Variants in ADGRD2 observed in about 807,000 individuals in gnomAD.
The protein encoded by ADGRD2 is adhesion G protein-coupled receptor D2, also known as G protein-coupled receptor PGR24.
ADGRD2 carries 71 observed loss-of-function variants against 44.4 expected under a neutral mutation model. The ratio of observed to expected loss-of-function variants is 1.60; its 90% confidence interval spans 1.32 to 1.95. ADGRD2 has a LOEUF of 1.95. Ranked by LOEUF, ADGRD2 falls within the 30% of genes most tolerant of loss-of-function variation. The probability of loss-of-function intolerance (pLI) is 0.00; values close to 1 mark genes in which losing one functional copy is unlikely to be tolerated. For missense variants in ADGRD2, 1,039 were observed against 512.4 expected, an observed-to-expected ratio of 2.03 and a Z score of -9.92; for synonymous variants, 481 against 224.8, an observed-to-expected ratio of 2.14 and a Z score of -10.19.
Position 124,469,484 on chromosome 9 carries a change from G to A in ADGRD2, c.2576G>A (p.Arg859His), listed in dbSNP as rs114565703. The A allele has an allele frequency of 8.0e-3, 5,753 of 718,022 alleles. 238 individuals are homozygous for A. In the African/African-American group the frequency reaches 0.089, roughly 11 times the overall value. 44.5% of individuals were successfully genotyped at this position (718,022 alleles called of 1,614,324 possible). A position where few individuals can be genotyped will look rare whatever the true frequency, so the allele number is the denominator to read the frequency against. Reference sequence around the variant, plus strand: ...GTAATGATCACCGTGTCCAGTGCCCGCCGCCGTGCCCGCATGTTGAGCCCA... The same window carrying A: ...GTAATGATCACCGTGTCCAGTGCCCACCGCCGTGCCCGCATGTTGAGCCCA... Residue 859 changes from arginine (R) to histidine (H), a missense_variant, in exon 16 of 22, where the codon CGC (arginine) becomes CAC (histidine). By Grantham distance (29) the Arg-to-His change is conservative (BLOSUM62 0). Coordinates refer to ENST00000334810, the Ensembl canonical transcript of ADGRD2.
intron 7 of ADGRD2, among the ~76,000 whole-genome samples, chr9:124,457,050 A>C (rs958791106): frequency 2.6e-5 from 4 of 152,218 alleles, no homozygotes; most frequent in South Asian, 4.1e-4. Flanking sequence ...TGGTAATTAC[A>C]TAATGGAATT....
Position 124,470,619 on chromosome 9 carries a change from C to T in ADGRD2, c.2758+5C>T, listed in dbSNP as rs1386854255. The T allele has an allele frequency of 2.8e-6, 2 of 702,698 alleles. No individual in the cohort carries two copies. Among genetic ancestry groups the T allele is most frequent in the East Asian group, 2.7e-5 (1 of 37,132 alleles). 43.5% of individuals were successfully genotyped at this position (702,698 alleles called of 1,614,324 possible). ...GTGGGCCTCAACTCCATCCAGGTAC[C>T]TCCAGCCCCAACCTTCTGGGACTAG... On this transcript the variant is annotated splice_donor_5th_base_variant and intron_variant, in intron 17 of 21. Coordinates refer to ENST00000334810, the Ensembl canonical transcript of ADGRD2.
At chr9:124,474,843 G>A (rs1454350898) in intron 17 of ADGRD2, among the ~76,000 whole-genome samples, 3 of 152,214 alleles carry the variant, frequency 2.0e-5, no homozygotes, top group African/African-American at 7.2e-5. Flanking sequence ...AAATGTGATG[G>A]TGCAGGGAGG....
intron 6 of ADGRD2, among the ~76,000 whole-genome samples, chr9:124,456,064 T>C (rs985495485): frequency 2.0e-5 from 3 of 152,204 alleles, no homozygotes; most frequent in African/African-American, 7.2e-5. Context: ...AGCCCATAGT[T>C]GATTAGGGAT....
chr9:124,464,570 C>T (rs1344656600), intron 10 of ADGRD2, among the ~76,000 whole-genome samples: 1 of 152,202 alleles, frequency 6.6e-6, no homozygotes, highest in Non-Finnish European at 1.5e-5. Context: ...ATTACCATCA[C>T]CCTCCCCAGT....
exon 3 of ADGRD2, chr9:124,453,040 C>T (rs1317176937): frequency 3.0e-6 from 2 of 662,906 alleles, no homozygotes; most frequent in South Asian, 3.3e-5. Context: ...TGCAGGTGCG[C>T]GCACCACCGC....
At chr9:124,468,799 G>T in intron 14 of ADGRD2, 127 bp downstream of exon 17, 1 of 615,294 alleles carries the variant, frequency 1.6e-6, no homozygotes, top group Non-Finnish European at 2.9e-6. Context: ...GGCATTTAGC[G>T]TCACCCAGAA....
intron 17 of ADGRD2, among the ~76,000 whole-genome samples, chr9:124,471,688 G>C (rs1051968815): frequency 6.6e-6 from 1 of 152,174 alleles, no homozygotes; most frequent in African/African-American, 2.4e-5. Context: ...GGTCCTGGCT[G>C]GTCCCTGGGA....
At chr9:124,471,780 A>G (rs1570581) in intron 17 of ADGRD2, among the ~76,000 whole-genome samples, 93,308 of 152,150 alleles carry the variant, frequency 0.61, 30,959 homozygotes, top group African/African-American at 0.87. Flanking sequence ...GCTGGGTGCC[A>G]GGCCGCAGCA....
chr9:124,454,455 G>T lies in ADGRD2; in HGVS notation c.1023-29G>T, dbSNP rs1314479074. The T allele has an allele frequency of 2.9e-6, 2 of 699,608 alleles. No homozygotes were observed. The highest frequency in any genetic ancestry group is 2.4e-4 in the Middle Eastern group (1 of 4,164). 43.3% of individuals were successfully genotyped at this position (699,608 alleles called of 1,614,324 possible). A position where few individuals can be genotyped will look rare whatever the true frequency, so the allele number is the denominator to read the frequency against. On this transcript the variant is annotated intron_variant, in intron 4 of 21. Coordinates refer to ENST00000334810, the Ensembl canonical transcript of ADGRD2. The surrounding 1 kb of genome is among the most constrained non-coding windows in gnomAD (Gnocchi z 4.5). ...ATCTCTGGGCAGGGGTATTGCCCGG[G>T]GCCTAGCCTGGCATCCACTCCTTTG...
At chr9:124,453,902 T>C (rs1831560122) in intron 3 of ADGRD2, 97 bp from the exon 7 acceptor site, 1 of 374,922 alleles carries the variant, frequency 2.7e-6, no homozygotes, top group Non-Finnish European at 5.1e-6. Context: ...ACAGTGTCCC[T>C]CTCTCAGGTT....
At chr9:124,470,018 G>A (rs1216888796) in intron 16 of ADGRD2, among the ~76,000 whole-genome samples, 3 of 152,148 alleles carry the variant, frequency 2.0e-5, no homozygotes, top group Non-Finnish European at 4.4e-5. Flanking sequence ...GAGAGAGAGG[G>A]ACCCCACCGG....
intron 6 of ADGRD2, 39 bp downstream of exon 9, chr9:124,455,166 T>C: frequency 1.5e-6 from 1 of 650,076 alleles, no homozygotes. Flanking sequence ...GGGCCTGGGC[T>C]ATGGTTCCAG....
Position 124,457,589 on chromosome 9 carries a change from G to GGTGTACTTTCACTTCCTGAGGAGAA in ADGRD2, c.1624_1625insTGTACTTTCACTTCCTGAGGAGAAG (p.Arg543CysfsTer6). 5 of 664,826 alleles carry GGTGTACTTTCACTTCCTGAGGAGAA rather than the reference G, an allele frequency of 7.5e-6. No homozygotes were observed. The highest frequency in any genetic ancestry group is 1.4e-5 in the Non-Finnish European group (5 of 364,314). The allele number at this position is 664,826 out of a possible 1,614,324, so 41.2% of individuals were successfully genotyped here. ...ATCCACATTCCTGCGAGTGAAGTGA[G>GGTGTACTTTCACTTCCTGAGGAGAA]GCGACTCCTCAGGAAAGGTGGGTGA... On this transcript the variant is annotated stop_gained and frameshift_variant, in exon 8 of 22. Coordinates refer to ENST00000334810, the Ensembl canonical transcript of ADGRD2. LOFTEE classifies it high-confidence loss of function.
intron 17 of ADGRD2, among the ~76,000 whole-genome samples, chr9:124,472,718 GGT>G (rs1831973523): frequency 6.6e-6 from 1 of 152,138 alleles, no homozygotes; most frequent in South Asian, 2.1e-4. Flanking sequence ...ATGTTGCCCA[GGT>G]TGGTCTTGAA....
intron 17 of ADGRD2, 68 bp downstream of exon 20, chr9:124,470,682 G>C (rs375923932): frequency 1.5e-4 from 96 of 650,658 alleles, no homozygotes; most frequent in South Asian, 1.3e-3. Context: ...GGACGACTAG[G>C]GTGTCAGGGC....
intron 10 of ADGRD2, among the ~76,000 whole-genome samples, chr9:124,460,975 GT>G (rs1184209564): frequency 6.6e-6 from 1 of 152,102 alleles, no homozygotes; most frequent in Non-Finnish European, 1.5e-5. Flanking sequence ...CCTTGTCAGT[GT>G]TTTTAATGTC....
rs1832058948 is a variant in ADGRD2 at position 124,476,916 on chromosome 9, G to A, written c.*18+207G>A. 1.3e-5 allele frequency: 9 copies of A among 705,892 alleles called. No individual in the cohort carries two copies. The Admixed American group carries it at 1.8e-4, about 14-fold the overall frequency. The allele number at this position is 705,892 out of a possible 1,614,324, so 43.7% of individuals were successfully genotyped here. ...TACCCCTTGGGAGGACTTCATTAGA[G>A]AGTAGGTCATGGAACCCTATTCTGA... On this transcript the variant is annotated intron_variant, in intron 21 of 21. Transcript: ENST00000334810.
At chr9:124,452,513 C>T (rs1257511140) in exon 2 of ADGRD2, 1 of 718,556 alleles carries the variant, frequency 1.4e-6, no homozygotes, top group Admixed American at 2.0e-5. Flanking sequence ...TTTTTAGCCC[C>T]CGTGGCCGCC....
Sources: allele counts gnomAD v4.1 joint callset (sites outside exome capture counted in the v4.1 genomes callset), GRCh38; gene constraint gnomAD v4.1.1; non-coding constraint Gnocchi (gnomAD v3.1); transcripts MANE v1.5; gene names NCBI Gene and HGNC (gene_info 2026-07-23, HGNC 2026-07-21).